GLIS3: variants seen among roughly 807,000 people sequenced by gnomAD.
GLIS3 encodes the protein zinc finger protein GLIS3.
A neutral mutation model predicts 78.6 loss-of-function variants in GLIS3; 53 were observed. The observed-to-expected ratio is 0.67, with a 90% CI of 0.54 to 0.85. The LOEUF is 0.85. Ranked by LOEUF, GLIS3 falls within the 40% of genes least tolerant of loss-of-function variation. The pLI is 0.00. For missense variants in GLIS3, 1,703 were observed against 1,231.1 expected (o/e 1.38, Z -5.74); for synonymous variants, 684 against 509.9 (o/e 1.34, Z -4.60).
the GLIS3 span, among the ~76,000 whole-genome samples, chr9:4,470,414 G>T: frequency 7.2e-5 from 11 of 152,262 alleles, no homozygotes; most frequent in East Asian, 9.6e-4. Context: ...CCACGATCAA[G>T]TTGGCTTCAT....
intron 8 of GLIS3, among the ~76,000 whole-genome samples, chr9:3,864,543 G>C (rs1445155304): frequency 6.6e-6 from 1 of 152,150 alleles, no homozygotes; most frequent in African/African-American, 2.4e-5. Flanking sequence ...GTGTGGTCAG[G>C]TACCTTTGGA....
the GLIS3 span, among the ~76,000 whole-genome samples, chr9:4,417,157 G>A: frequency 6.6e-6 from 1 of 152,098 alleles, no homozygotes; most frequent in Non-Finnish European, 1.5e-5. Flanking sequence ...GACCAATCAA[G>A]GGTAGACTTT....
At chr9:3,932,333 G>T (rs774355123) in intron 6 of GLIS3, 27 bp downstream of exon 6, 13 of 1,530,588 alleles carry the variant, frequency 8.5e-6, no homozygotes, top group South Asian at 4.5e-5. Context: ...TGCTTTTCCC[G>T]ACTGGAAGAT....
the GLIS3 span, among the ~76,000 whole-genome samples, chr9:4,445,305 G>C: frequency 6.6e-6 from 1 of 152,180 alleles, no homozygotes; most frequent in Admixed American, 6.5e-5. Flanking sequence ...AAGTCATAGA[G>C]TGATGAAGCA....
At chr9:4,092,879 C>G (rs1829642256) in intron 4 of GLIS3, among the ~76,000 whole-genome samples, 1 of 152,124 alleles carries the variant, frequency 6.6e-6, no homozygotes, top group South Asian at 2.1e-4. Context: ...CTGTACATAA[C>G]TATATGTGCT....
chr9:4,278,283 C>A (rs187926154), intron 2 of GLIS3, among the ~76,000 whole-genome samples: 1 of 152,150 alleles, frequency 6.6e-6, no homozygotes, highest in Non-Finnish European at 1.5e-5. Flanking sequence ...ACAAGAACAC[C>A]CTTTCAGCCA....
At chr9:4,273,278 T>C (rs937306744) in intron 2 of GLIS3, among the ~76,000 whole-genome samples, 1 of 152,160 alleles carries the variant, frequency 6.6e-6, no homozygotes, top group African/African-American at 2.4e-5. Flanking sequence ...ACACTTTACC[T>C]GCCCTACCAG....
intron 2 of GLIS3, among the ~76,000 whole-genome samples, chr9:4,164,804 C>G (rs1015002934): frequency 2.6e-5 from 4 of 152,156 alleles, no homozygotes; most frequent in Non-Finnish European, 5.9e-5. Flanking sequence ...GGCAGTAAAA[C>G]TCAGATGAAC....
At chr9:4,282,905 C>T (rs148202876) in intron 2 of GLIS3, among the ~76,000 whole-genome samples, 27 of 152,240 alleles carry the variant, frequency 1.8e-4, no homozygotes, top group Non-Finnish European at 3.8e-4. Context: ...CTTCCTCTGG[C>T]TTCTGCTGAT....
intron 4 of GLIS3, among the ~76,000 whole-genome samples, chr9:4,102,020 C>G (rs568394359): frequency 6.6e-6 from 1 of 152,230 alleles, no homozygotes; most frequent in East Asian, 1.9e-4. Flanking sequence ...AATGGATGAG[C>G]AATTGATCAC....
At chr9:4,326,893 T>C (rs1197214357) in intron 2 of GLIS3, among the ~76,000 whole-genome samples, 5 of 152,212 alleles carry the variant, frequency 3.3e-5, no homozygotes, top group South Asian at 4.1e-4. Context: ...TGTCCTCTCA[T>C]GCCAGCAAGG....
At chr9:4,168,515 T>A (rs1371155921) in intron 2 of GLIS3, among the ~76,000 whole-genome samples, 1 of 152,142 alleles carries the variant, frequency 6.6e-6, no homozygotes, top group Non-Finnish European at 1.5e-5. Context: ...GAAATTGAAT[T>A]GTGATAAAAG....
At chr9:4,046,428 T>C (rs1825254523) in intron 4 of GLIS3, among the ~76,000 whole-genome samples, 1 of 152,138 alleles carries the variant, frequency 6.6e-6, no homozygotes, top group Non-Finnish European at 1.5e-5. Context: ...GATATAACAC[T>C]TTGGGGCCCA....
At chr9:4,249,244 C>G (rs762485064) in intron 2 of GLIS3, among the ~76,000 whole-genome samples, 57 of 152,310 alleles carry the variant, frequency 3.7e-4, no homozygotes, top group Non-Finnish European at 5.1e-4. Flanking sequence ...TTGATTCTTC[C>G]TATCCATGAA....
intron 8 of GLIS3, among the ~76,000 whole-genome samples, chr9:3,873,726 G>C (rs1199778148): frequency 6.6e-6 from 1 of 152,018 alleles, no homozygotes; most frequent in African/African-American, 2.4e-5. Flanking sequence ...ATTACTGAAA[G>C]GCCTAGAAAG....
intron 2 of GLIS3, among the ~76,000 whole-genome samples, chr9:4,310,795 C>G (rs940618716): frequency 1.3e-5 from 2 of 152,142 alleles, no homozygotes; most frequent in African/African-American, 4.8e-5. Context: ...CATACAGTCT[C>G]TGAAGCACTT....
At chr9:3,857,339 C>A (rs866898780) in intron 8 of GLIS3, among the ~76,000 whole-genome samples, 3 of 152,180 alleles carry the variant, frequency 2.0e-5, no homozygotes, top group Non-Finnish European at 2.9e-5. Context: ...ATTGCTTTAA[C>A]TTTGCTGGGC....
At chr9:4,121,399 G>A (rs806050) in intron 3 of GLIS3, among the ~76,000 whole-genome samples, 84,421 of 151,958 alleles carry the variant, frequency 0.56, 24,190 homozygotes, top group East Asian at 0.86. Context: ...CCCAGTGCCT[G>A]CCAGAATGTA....
rs1176932759 is a variant in GLIS3 at position 3,921,417 on chromosome 9, A to T, written c.1983+10943T>A. The stretch of plus-strand genomic sequence containing the variant: ...TCAGAGAAGCTAAGTAATTTCTCCC[A>T]GAGTCAGAGCTAAGATTCAAACTCA... On this transcript the variant is annotated intron_variant, in intron 6 of 10. Transcript: ENST00000381971. Among the ~76,000 whole-genome samples the T allele has an allele frequency of 2.0e-5, 3 of 152,256 alleles. No homozygotes were observed. The East Asian group carries it at 5.8e-4, about 29-fold the overall frequency.
Sources: allele counts gnomAD v4.1 joint callset (sites outside exome capture counted in the v4.1 genomes callset), GRCh38; gene constraint gnomAD v4.1.1; transcripts MANE v1.5; gene names NCBI Gene and HGNC (gene_info 2026-07-23, HGNC 2026-07-21).